Variants in UBE2U observed in about 807,000 individuals in gnomAD.
The protein encoded by UBE2U is ubiquitin-conjugating enzyme E2 U.
UBE2U carries 39 observed loss-of-function variants against 41.2 expected under a neutral mutation model. That is an observed-to-expected ratio of 0.95 (90% CI 0.73 to 1.24). The LOEUF (loss-of-function observed/expected upper bound fraction) is 1.24, where lower values mean the gene tolerates loss of function less well. Ranked by LOEUF, UBE2U falls within the 50% of genes most tolerant of loss-of-function variation. The pLI is 0.00. For missense variants in UBE2U, 336 were observed against 363.1 expected (o/e 0.93, Z 0.61); for synonymous variants, 107 against 117.8 (o/e 0.91, Z 0.60).
chr1:64,243,141 A>G (rs1370311998), intron 8 of UBE2U, among the ~76,000 whole-genome samples: 1 of 152,192 alleles, frequency 6.6e-6, no homozygotes, highest in Non-Finnish European at 1.5e-5. Context: ...GTGCATAGTG[A>G]CCCTGTCAGA....
chr1:64,221,510 G>C (rs1026890339), intron 6 of UBE2U, among the ~76,000 whole-genome samples: 1 of 152,166 alleles, frequency 6.6e-6, no homozygotes, highest in Non-Finnish European at 1.5e-5. Context: ...CAATTTAGGA[G>C]AAGATAAGGT....
At chr1:64,259,174 T>G (rs1201529867) in intron 8 of UBE2U, among the ~76,000 whole-genome samples, 4 of 152,154 alleles carry the variant, frequency 2.6e-5, no homozygotes, top group Non-Finnish European at 5.9e-5. Context: ...GGGTTGTTTG[T>G]TTTTTTCTTA....
intron 8 of UBE2U, among the ~76,000 whole-genome samples, chr1:64,249,393 A>AAAT (rs944806768): frequency 1.3e-5 from 2 of 151,162 alleles, no homozygotes; most frequent in Non-Finnish European, 3.0e-5. Flanking sequence ...AAAAAAAAAA[A>AAAT]AAAAATCACC....
intron 5 of UBE2U, among the ~76,000 whole-genome samples, chr1:64,219,811 G>T (rs1186789504): frequency 6.6e-6 from 1 of 152,046 alleles, no homozygotes; most frequent in East Asian, 1.9e-4. Flanking sequence ...TGTTAACCAG[G>T]ATGGTCTCGA....
intron 6 of UBE2U, among the ~76,000 whole-genome samples, chr1:64,224,423 TA>T (rs1166486768): frequency 6.6e-6 from 1 of 152,140 alleles, no homozygotes; most frequent in Non-Finnish European, 1.5e-5. Flanking sequence ...ACATAGTTGC[TA>T]ACATTAAAAG....
chr1:64,219,586 ATTT>A (rs35981131), intron 5 of UBE2U, among the ~76,000 whole-genome samples: 2 of 138,452 alleles, frequency 1.4e-5, no homozygotes, highest in Non-Finnish European at 3.1e-5. Context: ...TGATCCTCTA[ATTT>A]TTTTTTTTTT....
At position 64,203,888 on chromosome 1, in the gene UBE2U, C is replaced by G; in HGVS notation, c.-163C>G. The G allele has an allele frequency of 2.0e-6, 1 of 493,448 alleles. No homozygotes were observed. Among genetic ancestry groups the G allele is most frequent in the South Asian group, 5.3e-5 (1 of 18,692 alleles). The allele number at this position is 493,448 out of a possible 1,614,324, so 30.6% of individuals were successfully genotyped here. On this transcript the variant is annotated 5_prime_UTR_variant, in exon 1 of 10. Coordinates refer to ENST00000371077, the MANE Select transcript of UBE2U (RefSeq NM_001366232.2). Reference sequence around the variant, plus strand: ...AGGAGAAAAAGTCATTGTTATATCCCAACTTTAGAAGCCGCTTATCTTGGT... The same window carrying G: ...AGGAGAAAAAGTCATTGTTATATCCGAACTTTAGAAGCCGCTTATCTTGGT...
At chr1:64,260,931 C>G (rs1645171734) in intron 9 of UBE2U, among the ~76,000 whole-genome samples, 1 of 152,100 alleles carries the variant, frequency 6.6e-6, no homozygotes, top group African/African-American at 2.4e-5. Context: ...GCTTACTACC[C>G]TTTAATAGGT....
chr1:64,264,690 C>G (rs1016536464), intron 9 of UBE2U, among the ~76,000 whole-genome samples: 1 of 152,160 alleles, frequency 6.6e-6, no homozygotes, highest in Admixed American at 6.5e-5. Context: ...CAGTGGCTCA[C>G]GCCTGTAATC....
At chr1:64,254,561 C>A (rs956315413) in intron 8 of UBE2U, among the ~76,000 whole-genome samples, 10 of 152,102 alleles carry the variant, frequency 6.6e-5, no homozygotes, top group Admixed American at 6.5e-5. Flanking sequence ...GACTTTCAGA[C>A]CACAGCACAA....
intron 3 of UBE2U, among the ~76,000 whole-genome samples, chr1:64,209,855 T>A (rs1651558998): frequency 6.6e-6 from 1 of 152,186 alleles, no homozygotes; most frequent in Non-Finnish European, 1.5e-5. Flanking sequence ...GCCAATTTGG[T>A]AAGAGTCTTG....
intron 8 of UBE2U, among the ~76,000 whole-genome samples, chr1:64,242,008 C>G (rs949163342): frequency 6.6e-6 from 1 of 152,034 alleles, no homozygotes; most frequent in African/African-American, 2.4e-5. Flanking sequence ...CATTATTTCT[C>G]TTACTCTCAT....
intron 6 of UBE2U, among the ~76,000 whole-genome samples, chr1:64,223,343 C>T (rs1652623980): frequency 6.6e-6 from 1 of 152,146 alleles, no homozygotes; most frequent in South Asian, 2.1e-4. Flanking sequence ...AGAAGTAGGC[C>T]TGTCGATCCA....
Position 64,267,033 on chromosome 1 carries a change from T to G in UBE2U, c.779T>G (p.Phe260Cys). ...IKLCPTLNEI[F>C]LESPTAINSI... is the part of the protein sequence containing the mutation. ...ATAATTCCCACCACAGATGAAATTT[T>G]TCTTGAGTCACCAACTGCAATAAAT... is the stretch of plus-strand genomic sequence containing the variant. The change falls in exon 10 of 10, where the codon TTT (phenylalanine) becomes TGT (cysteine). Residue 260 changes from phenylalanine to cysteine, a missense_variant. Phe to Cys is a radical substitution (Grantham distance 205, BLOSUM62 -2). Transcript: ENST00000371077. The G allele has an allele frequency of 6.5e-7, 1 of 1,547,988 alleles. No individual in the cohort carries two copies. Among genetic ancestry groups the G allele is most frequent in the Non-Finnish European group, 8.7e-7 (1 of 1,146,450 alleles).
intron 5 of UBE2U, 144 bp from the exon 6 acceptor site, chr1:64,220,715 A>G: frequency 3.0e-6 from 2 of 675,558 alleles, no homozygotes; most frequent in Non-Finnish European, 2.5e-6. Flanking sequence ...TTTTCTTGTC[A>G]TCTTTCTTTT....
At chr1:64,222,310 A>T (rs1652549061) in intron 6 of UBE2U, among the ~76,000 whole-genome samples, 1 of 152,202 alleles carries the variant, frequency 6.6e-6, no homozygotes. Flanking sequence ...TTTATCACCT[A>T]AAACATGAAT....
At chr1:64,226,331 A>G (rs1349875809) in intron 6 of UBE2U, among the ~76,000 whole-genome samples, 2 of 152,214 alleles carry the variant, frequency 1.3e-5, no homozygotes, top group Non-Finnish European at 2.9e-5. Context: ...AATCTGTCAG[A>G]TTAATCCGAT....
chr1:64,258,018 A>G (rs1312848150), intron 8 of UBE2U, among the ~76,000 whole-genome samples: 1 of 152,216 alleles, frequency 6.6e-6, no homozygotes, highest in African/African-American at 2.4e-5. Flanking sequence ...ATAATGCTAA[A>G]AAAACTGAAT....
At position 64,267,308 on chromosome 1, in the gene UBE2U, T is replaced by A. The variant is rs893611723; in HGVS notation, c.*100T>A. On this transcript the variant is annotated 3_prime_UTR_variant, in exon 10 of 10. Coordinates refer to ENST00000371077, the MANE Select transcript of UBE2U (RefSeq NM_001366232.2). ...CTCAGAACTTGGATTTCATTTTTTT[T>A]AAGTTGTTCTCACCCACTCACTGCA... is the stretch of plus-strand genomic sequence containing the variant. The A allele has an allele frequency of 9.9e-6, 10 of 1,014,076 alleles. No individual in the cohort carries two copies. In the African/African-American group the frequency reaches 1.3e-4, roughly 14 times the overall value. 62.8% of individuals were successfully genotyped at this position (1,014,076 alleles called of 1,614,324 possible). A position where few individuals can be genotyped will look rare whatever the true frequency, so the allele number is the denominator to read the frequency against.
Sources: allele counts gnomAD v4.1 joint callset (sites outside exome capture counted in the v4.1 genomes callset), GRCh38; gene constraint gnomAD v4.1.1; transcripts MANE v1.5; gene names NCBI Gene and HGNC (gene_info 2026-07-23, HGNC 2026-07-21).